ATG4C: variants seen among roughly 807,000 people sequenced by gnomAD.
The protein encoded by ATG4C is autophagy related 4C cysteine peptidase.
Under a neutral mutation model 57.6 loss-of-function variants are expected in ATG4C, and 56 were observed. The observed-to-expected ratio is 0.97, with a 90% CI of 0.78 to 1.21. The LOEUF (loss-of-function observed/expected upper bound fraction) is 1.21. Among genes scored for constraint, ATG4C ranks in the 50% most tolerant of loss-of-function variants. The pLI is 0.00. For synonymous variants in ATG4C, 157 were observed against 174.1 expected (o/e 0.90, Z 0.78); for missense variants, 595 against 529.8 (o/e 1.12, Z -1.21).
intron 10 of ATG4C, among the ~76,000 whole-genome samples, chr1:62,844,456 G>T (rs1025672192): frequency 3.3e-5 from 5 of 152,016 alleles, no homozygotes; most frequent in African/African-American, 9.7e-5. Flanking sequence ...CTGAGTTTTG[G>T]GAAACACTGT....
intron 3 of ATG4C, among the ~76,000 whole-genome samples, chr1:62,806,937 TATC>T (rs1178371673): frequency 2.4e-4 from 37 of 152,338 alleles, no homozygotes; most frequent in African/African-American, 8.4e-4. Flanking sequence ...CTACATGTCA[TATC>T]ATTTTTGGTT....
chr1:62,863,947 C>T, intron 10 of ATG4C, 45 bp from the exon 11 acceptor site: 1 of 1,362,662 alleles, frequency 7.3e-7, no homozygotes, highest in South Asian at 1.4e-5. Flanking sequence ...TCTTAGTGTG[C>T]ACTATTGCAT....
intron 5 of ATG4C, among the ~76,000 whole-genome samples, 168 bp downstream of exon 5, chr1:62,819,503 ACT>A (rs1483181307): frequency 6.6e-6 from 1 of 151,886 alleles, no homozygotes; most frequent in Admixed American, 6.6e-5. Flanking sequence ...ACATATTGCG[ACT>A]CTAGTTACAT....
At chr1:62,854,838 C>T (rs745834755) in intron 10 of ATG4C, among the ~76,000 whole-genome samples, 8 of 152,004 alleles carry the variant, frequency 5.3e-5, no homozygotes, top group South Asian at 2.1e-4. Flanking sequence ...AAAGTTTTGC[C>T]GTCTCTTAAG....
intron 10 of ATG4C, among the ~76,000 whole-genome samples, chr1:62,863,791 C>G (rs1157431260): frequency 6.6e-6 from 1 of 152,018 alleles, no homozygotes; most frequent in African/African-American, 2.4e-5. Context: ...AATGAAGGAG[C>G]ATGCATTTAC....
intron 6 of ATG4C, among the ~76,000 whole-genome samples, chr1:62,828,285 C>T (rs142315858): frequency 0.012 from 1,885 of 152,230 alleles, 35 homozygotes; most frequent in African/African-American, 0.043. Flanking sequence ...TGAGTATTCC[C>T]TTTTCTCCAC....
rs1425582447 is a variant in ATG4C at position 62,861,604 on chromosome 1, CACACACACACACACACACACACAG to C, written c.1210-2386_1210-2363del. Among the ~76,000 whole-genome samples, 68 of 126,736 alleles carry C rather than the reference CACACACACACACACACACACACAG, an allele frequency of 5.4e-4. 1 individual carries two copies. Among genetic ancestry groups the C allele is most frequent in the Admixed American group, 2.4e-3 (26 of 10,810 alleles). 83.1% of individuals were successfully genotyped at this position (126,736 alleles called of 152,430 possible). Reference sequence around the variant, plus strand: ...ACACACACACACACACACACACACACACACACACACACACACACACACAGAGAGACACAAACACATGAGAAAAAT... The same window carrying C: ...ACACACACACACACACACACACACACAGAGACACAAACACATGAGAAAAAT... On this transcript the variant is annotated intron_variant, in intron 10 of 10. Transcript: ENST00000317868.
At position 62,805,152 on chromosome 1, in the gene ATG4C, CTTTTTT is replaced by C. The variant is rs74261206; in HGVS notation, c.77-11_77-6del. ...TTTTAATTACAAAACGTTTTCTTTT[CTTTTTT>C]TTTTTTTTGCTAGGTTGGGTGTTGA... On this transcript the variant is annotated splice_polypyrimidine_tract_variant and intron_variant, in intron 2 of 10. Transcript: ENST00000317868. 6 of 1,368,350 alleles carry C rather than the reference CTTTTTT, an allele frequency of 4.4e-6. No homozygotes were observed. The East Asian group carries it at 1.8e-4, about 41-fold the overall frequency. 84.8% of individuals were successfully genotyped at this position (1,368,350 alleles called of 1,614,324 possible). A position where few individuals can be genotyped will look rare whatever the true frequency, so the allele number is the denominator to read the frequency against.
intron 3 of ATG4C, among the ~76,000 whole-genome samples, chr1:62,813,868 A>C (rs1486636174): frequency 6.6e-6 from 1 of 152,234 alleles, no homozygotes; most frequent in Non-Finnish European, 1.5e-5. Context: ...TGGTCATTAG[A>C]GAAATGCAAT....
intron 3 of ATG4C, among the ~76,000 whole-genome samples, chr1:62,815,872 A>G (rs75601806): frequency 1.3e-5 from 2 of 151,966 alleles, no homozygotes; most frequent in African/African-American, 2.4e-5. Flanking sequence ...TTTAGTAGAG[A>G]TGGGGTTTCA....
At chr1:62,833,986 G>C in intron 7 of ATG4C, 52 bp from the exon 8 acceptor site, 1 of 1,510,022 alleles carries the variant, frequency 6.6e-7, no homozygotes, top group East Asian at 2.3e-5. Flanking sequence ...TGTTTGCTTT[G>C]AATAATTACC....
chr1:62,839,865 T>C (rs1156624312), intron 9 of ATG4C, among the ~76,000 whole-genome samples: 3 of 152,126 alleles, frequency 2.0e-5, no homozygotes, highest in Admixed American at 2.0e-4. Context: ...TTGAGTGACA[T>C]ATTGTTGGAT....
intron 10 of ATG4C, among the ~76,000 whole-genome samples, chr1:62,862,959 A>G (rs998658280): frequency 6.6e-6 from 1 of 152,032 alleles, no homozygotes; most frequent in Non-Finnish European, 1.5e-5. Context: ...TCTTTTTAGC[A>G]TTCTCTGTAA....
Position 62,834,805 on chromosome 1 carries a change from T to G in ATG4C, c.1042T>G (p.Tyr348Asp), listed in dbSNP as rs1256858838. 6.2e-7 allele frequency: 1 copy of G among 1,612,332 alleles called. No individual in the cohort carries two copies. The highest frequency in any genetic ancestry group is 8.5e-7 in the Non-Finnish European group (1 of 1,178,798). ...CAGTTTGATTTACATGGATCCTCAT[T>G]ACTGCCAATCTTTTGTAGATGTCAG... is the stretch of plus-strand genomic sequence containing the variant. ...DDSLIYMDPHYCQSFVDVSIK... is the reference protein window; with the variant it reads ...DDSLIYMDPHDCQSFVDVSIK... Residue 348 changes from tyrosine (Y) to aspartate (D), a missense_variant, in exon 9 of 11, where the codon TAC becomes GAC. Tyr to Asp is a radical substitution (Grantham distance 160). Transcript: ENST00000317868.
At chr1:62,856,225 C>CT (rs1666679535) in intron 10 of ATG4C, among the ~76,000 whole-genome samples, 1 of 152,128 alleles carries the variant, frequency 6.6e-6, no homozygotes, top group African/African-American at 2.4e-5. Context: ...CCTTCTAGTT[C>CT]TGTGTTTTCC....
At chr1:62,798,531 T>C (rs1488308495) in intron 1 of ATG4C, among the ~76,000 whole-genome samples, 6 of 152,236 alleles carry the variant, frequency 3.9e-5, no homozygotes, top group Admixed American at 3.3e-4. Flanking sequence ...TTTTTGGTTA[T>C]CCTTTATAAA....
At position 62,821,321 on chromosome 1, in the gene ATG4C, A is replaced by T. The variant is rs190127657; in HGVS notation, c.796+112A>T. 6.9e-4 allele frequency: 410 copies of T among 597,126 alleles called. 2 individuals carry two copies. In the African/African-American group the frequency reaches 7.1e-3, roughly 10 times the overall value. 37.0% of individuals were successfully genotyped at this position (597,126 alleles called of 1,614,324 possible). A position where few individuals can be genotyped will look rare whatever the true frequency, so the allele number is the denominator to read the frequency against. Reference sequence around the variant, plus strand: ...ATTATGAAGGTAGGGACCATGTCTTATACATTTTTGTTCCTAAATGTAGTA... The same window carrying T: ...ATTATGAAGGTAGGGACCATGTCTTTTACATTTTTGTTCCTAAATGTAGTA... On this transcript the variant is annotated intron_variant, in intron 6 of 10. Transcript: ENST00000317868.
intron 1 of ATG4C, among the ~76,000 whole-genome samples, chr1:62,787,286 T>C (rs1250908727): frequency 6.6e-6 from 1 of 152,068 alleles, no homozygotes; most frequent in Admixed American, 6.6e-5. Flanking sequence ...AGGGGTGGGG[T>C]TCTACATGAA....
At chr1:62,808,124 G>A (rs1557965691) in intron 3 of ATG4C, among the ~76,000 whole-genome samples, 1 of 152,220 alleles carries the variant, frequency 6.6e-6, no homozygotes, top group Non-Finnish European at 1.5e-5. Context: ...AAAGATAACT[G>A]ATGGTAATGT....
Sources: gnomAD v4.1 joint callset for allele counts (sites outside exome capture counted in the v4.1 genomes callset) on GRCh38, gnomAD v4.1.1 for gene constraint, MANE v1.5 for transcripts, NCBI Gene and HGNC (gene_info 2026-07-23, HGNC 2026-07-21) for gene names.